The following ACSM4 variants were observed in gnomAD, a reference collection of about 807,000 sequenced individuals.
The protein encoded by ACSM4 is acyl-CoA synthetase medium chain family member 4.
Under a neutral mutation model 73.0 loss-of-function variants are expected in ACSM4, and 66 were observed. The observed-to-expected ratio is 0.90, with a 90% CI of 0.74 to 1.11. ACSM4 has a LOEUF of 1.11. Among genes scored for constraint, ACSM4 ranks in the 50% least tolerant of loss-of-function variants. ACSM4 has a pLI of 0.00. For missense variants in ACSM4, 645 were observed against 714.4 expected (o/e 0.90, Z 1.11); for synonymous variants, 222 against 254.0 (o/e 0.87, Z 1.20).
intron 3 of ACSM4, among the ~76,000 whole-genome samples, chr12:7,313,308 T>C (rs981535056): frequency 6.6e-6 from 1 of 152,182 alleles, no homozygotes; most frequent in African/African-American, 2.4e-5. Flanking sequence ...GTTTTCAAGA[T>C]GGAAAAAATC....
rs566657526 is a variant in ACSM4 at position 7,328,201 on chromosome 12, T to C, written c.1657-86T>C. The stretch of plus-strand genomic sequence containing the variant: ...ATAATCTCGACTTTAAAATTCAGTC[T>C]GAGTTCCATGCAAGCTCCTTCCTAT... On this transcript the variant is annotated intron_variant, in intron 12 of 12. Transcript: ENST00000399422. The C allele has an allele frequency of 8.8e-4, 894 of 1,011,222 alleles. 1 individual carries two copies. Among genetic ancestry groups the C allele is most frequent in the Non-Finnish European group, 1.1e-3 (757 of 685,804 alleles). The allele number at this position is 1,011,222 out of a possible 1,614,324, so 62.6% of individuals were successfully genotyped here.
chr12:7,318,132 T>G lies in ACSM4; in HGVS notation c.871T>G (p.Cys291Gly). 1.2e-6 allele frequency: 2 copies of G among 1,613,832 alleles called. No individual in the cohort carries two copies. Among genetic ancestry groups the G allele is most frequent in the Non-Finnish European group, 1.7e-6 (2 of 1,179,834 alleles). Residue 291 changes from cysteine to glycine, a missense_variant, in exon 5 of 13, where the codon TGT becomes GGT. Coordinates refer to ENST00000399422, the MANE Select transcript of ACSM4 (RefSeq NM_001080454.2). ...GTTTTCTTCCTGGCTGTGTGGAGCC[T>G]GTGTTTTTGTGCATCGAATGGCACA... ...SVFSSWLCGA[C>G]VFVHRMAQFD... is the part of the protein sequence containing the mutation.
At chr12:7,309,040 C>A (rs1946375808) in intron 2 of ACSM4, among the ~76,000 whole-genome samples, 1 of 152,208 alleles carries the variant, frequency 6.6e-6, no homozygotes, top group Non-Finnish European at 1.5e-5. Flanking sequence ...TAGTGATTAT[C>A]TGTATCACTT....
At chr12:7,312,907 A>G (rs1403434218) in intron 3 of ACSM4, among the ~76,000 whole-genome samples, 1 of 152,194 alleles carries the variant, frequency 6.6e-6, no homozygotes, top group African/African-American at 2.4e-5. Flanking sequence ...TCCACTAGTA[A>G]CATACTTTTT....
intron 8 of ACSM4, 59 bp from the exon 9 acceptor site, chr12:7,323,400 C>T (rs1282035976): frequency 6.3e-7 from 1 of 1,595,760 alleles, no homozygotes; most frequent in Non-Finnish European, 8.6e-7. Flanking sequence ...TATTCATAAG[C>T]TGCTTTCATT....
chr12:7,312,577 C>T (rs920303103), intron 3 of ACSM4, among the ~76,000 whole-genome samples: 4 of 152,110 alleles, frequency 2.6e-5, no homozygotes, highest in Non-Finnish European at 5.9e-5. Context: ...TACTACTGGC[C>T]AATCCCAAGG....
Position 7,323,547 on chromosome 12 carries a change from T to TC in ACSM4, c.1296dup (p.Ser433LeufsTer2). On this transcript the variant is annotated frameshift_variant, in exon 9 of 13. Transcript: ENST00000399422. LOFTEE classifies it high-confidence loss of function. The stretch of plus-strand genomic sequence containing the variant: ...AAACCTACACGGCCCTTCTGTTTCT[T>TC]CTCTAAATATGTGGTATGAGGATAG... The TC allele has an allele frequency of 6.2e-7, 1 of 1,613,192 alleles. No homozygotes were observed.
In ACSM4 at chr12:7,328,605, G is replaced by T. The variant is rs1298286049; in HGVS notation, c.*232G>T. The T allele has an allele frequency of 7.1e-6, 2 of 279,908 alleles. No homozygotes were observed. Among genetic ancestry groups the T allele is most frequent in the African/African-American group, 2.3e-5 (1 of 44,114 alleles). 17.3% of individuals were successfully genotyped at this position (279,908 alleles called of 1,614,324 possible). A position where few individuals can be genotyped will look rare whatever the true frequency, so the allele number is the denominator to read the frequency against. ...CCAAACTGACAAAGGTAATGATGATGATTTGTAGTGTTTAAAATAGCAGGA... is the reference window on the plus strand; with the variant it reads ...CCAAACTGACAAAGGTAATGATGATTATTTGTAGTGTTTAAAATAGCAGGA... On this transcript the variant is annotated 3_prime_UTR_variant, in exon 13 of 13. Transcript: ENST00000399422.
intron 6 of ACSM4, 37 bp downstream of exon 6, chr12:7,320,841 A>G: frequency 6.6e-7 from 1 of 1,506,732 alleles, no homozygotes; most frequent in African/African-American, 1.4e-5. Flanking sequence ...ACCACAAACA[A>G]TAGCTACCAT....
rs1565757473 is a variant in ACSM4 at position 7,328,520 on chromosome 12, T to TA, written c.*152dup. 2.0e-6 allele frequency: 1 copy of TA among 499,922 alleles called. No homozygotes were observed. The highest frequency in any genetic ancestry group is 3.2e-6 in the Non-Finnish European group (1 of 308,870). 31.0% of individuals were successfully genotyped at this position (499,922 alleles called of 1,614,324 possible). On this transcript the variant is annotated 3_prime_UTR_variant, in exon 13 of 13. Coordinates refer to ENST00000399422, the MANE Select transcript of ACSM4 (RefSeq NM_001080454.2). The stretch of plus-strand genomic sequence containing the variant: ...GTTGATTTTTTGGTTTTTACTTAGC[T>TA]AAAAAGTTTAAAAGTAAATAAAAGC...
chr12:7,317,259 T>C lies in ACSM4; in HGVS notation c.743T>C (p.Ile248Thr). ...CAGCACTCTCAGAGCAGCCTCGGCA[T>C]TGGGTTCACCCTCTGCGGAAGGTAG... ...MAQHSQSSLG[I>T]GFTLCGRYWL... Residue 248 changes from isoleucine (I) to threonine (T), a missense_variant, in exon 4 of 13, where the codon ATT (isoleucine) becomes ACT (threonine). By Grantham distance (89) the Ile-to-Thr change is moderately conservative. Coordinates refer to ENST00000399422, the MANE Select transcript of ACSM4 (RefSeq NM_001080454.2). 6.3e-7 allele frequency: 1 copy of C among 1,583,690 alleles called. No homozygotes were observed. The highest frequency in any genetic ancestry group is 1.2e-5 in the South Asian group (1 of 86,694).
chr12:7,324,243 T>G, intron 9 of ACSM4, 30 bp from the exon 10 acceptor site: 3 of 1,608,916 alleles, frequency 1.9e-6, no homozygotes, highest in Non-Finnish European at 2.5e-6. Flanking sequence ...CTGACCAGAC[T>G]AATCCCCAAA....
chr12:7,317,175 G>C lies in ACSM4; in HGVS notation c.659G>C (p.Ser220Thr). 1.9e-6 allele frequency: 3 copies of C among 1,613,118 alleles called. No homozygotes were observed. The highest frequency in any genetic ancestry group is 2.5e-6 in the Non-Finnish European group (3 of 1,179,570). Residue 220 changes from serine to threonine, a missense_variant, in exon 4 of 13, where the codon AGT (serine) becomes ACT (threonine). By Grantham distance (58) the Ser-to-Thr change is moderately conservative. Transcript: ENST00000399422. ...GAGCACAGCTGTGTGGAAACAGGAA[G>C]TCAAGAACCAATGACCATTTATTTC... ...SEEHSCVETG[S>T]QEPMTIYFTS...
At chr12:7,312,081 A>G (rs772343720) in intron 3 of ACSM4, among the ~76,000 whole-genome samples, 23 of 152,338 alleles carry the variant, frequency 1.5e-4, no homozygotes, top group African/African-American at 5.5e-4. Flanking sequence ...AGTAGTTACA[A>G]CAGAAACTGT....
intron 11 of ACSM4, among the ~76,000 whole-genome samples, chr12:7,325,375 G>C (rs899457478): frequency 6.6e-6 from 1 of 152,166 alleles, no homozygotes; most frequent in Non-Finnish European, 1.5e-5. Flanking sequence ...GGCTGGGCAC[G>C]GTGGCTCACG....
chr12:7,328,219 C>T, intron 12 of ACSM4, 68 bp from the exon 13 acceptor site: 2 of 1,251,168 alleles, frequency 1.6e-6, no homozygotes, highest in Non-Finnish European at 2.2e-6. Context: ...ATGCAAGCTC[C>T]TTCCTATCGC....
chr12:7,318,251 A>C, intron 5 of ACSM4, 69 bp downstream of exon 5: 1 of 1,569,696 alleles, frequency 6.4e-7, no homozygotes, highest in South Asian at 1.2e-5. Flanking sequence ...TCACAAAGAA[A>C]TTATTCCTTA....
chr12:7,314,325 T>C (rs1946406151), intron 3 of ACSM4, among the ~76,000 whole-genome samples: 1 of 152,008 alleles, frequency 6.6e-6, no homozygotes, highest in Non-Finnish European at 1.5e-5. Context: ...GGTACATGAG[T>C]CTCAGGGACA....
At chr12:7,320,688 A>C (rs772836659) in intron 5 of ACSM4, 37 bp from the exon 6 acceptor site, 2 of 1,561,786 alleles carry the variant, frequency 1.3e-6, no homozygotes, top group African/African-American at 2.7e-5. Context: ...CCTTTGAATG[A>C]CCACTTCTGA....
Sources: allele counts gnomAD v4.1 joint callset (sites outside exome capture counted in the v4.1 genomes callset), GRCh38; gene constraint gnomAD v4.1.1; transcripts MANE v1.5; gene names NCBI Gene and HGNC (gene_info 2026-07-23, HGNC 2026-07-21).